ZNF391: variants seen among roughly 807,000 people sequenced by gnomAD.
The protein encoded by ZNF391 is zinc finger protein 391.
For missense variants in ZNF391, 375 were observed against 425.5 expected (o/e 0.88, Z 1.04); for synonymous variants, 126 against 142.1 (o/e 0.89, Z 0.80).
chr6:27,380,678 CA>C (rs1346557376), intron 1 of ZNF391, among the ~76,000 whole-genome samples: 1 of 151,828 alleles, frequency 6.6e-6, no homozygotes, highest in Non-Finnish European at 1.5e-5. Context: ...GGTGCGTTTG[CA>C]ATCCCTGAGC....
chr6:27,397,753 C>A (rs939675925), intron 1 of ZNF391, among the ~76,000 whole-genome samples: 3 of 152,142 alleles, frequency 2.0e-5, no homozygotes, highest in South Asian at 2.1e-4. Context: ...CCTCACCCCC[C>A]CAAGTAGCTG....
At chr6:27,396,034 G>A (rs937157422) in intron 1 of ZNF391, among the ~76,000 whole-genome samples, 23 of 152,116 alleles carry the variant, frequency 1.5e-4, no homozygotes, top group African/African-American at 3.9e-4. Flanking sequence ...TACCTACTGG[G>A]AGATGCAGTA....
chr6:27,381,009 T>C (rs1426096446), intron 1 of ZNF391, among the ~76,000 whole-genome samples: 1 of 152,266 alleles, frequency 6.6e-6, no homozygotes, highest in Admixed American at 6.5e-5. Context: ...CTTCATCCAG[T>C]GGATCCCGCA....
intron 1 of ZNF391, chr6:27,390,848 G>A (rs1047006915): frequency 5.9e-5 from 9 of 152,240 alleles, no homozygotes; most frequent in African/African-American, 2.2e-4. Flanking sequence ...ATTGATGAAA[G>A]TTTTGTAAGA....
intron 1 of ZNF391, among the ~76,000 whole-genome samples, chr6:27,390,695 T>A (rs534135926): frequency 6.6e-6 from 1 of 152,334 alleles, no homozygotes; most frequent in South Asian, 2.1e-4. Context: ...TCATAAATCC[T>A]CTGACAGCAT....
intron 1 of ZNF391, among the ~76,000 whole-genome samples, chr6:27,389,998 C>T (rs1237026692): frequency 5.9e-5 from 9 of 152,088 alleles, no homozygotes; most frequent in Non-Finnish European, 1.2e-4. Context: ...AACATTGTTA[C>T]CTGAAGATCA....
intron 1 of ZNF391, among the ~76,000 whole-genome samples, chr6:27,393,130 G>A (rs1761752076): frequency 6.6e-6 from 1 of 152,138 alleles, no homozygotes; most frequent in African/African-American, 2.4e-5. Flanking sequence ...TATATAATGA[G>A]CTTATTTGAA....
chr6:27,384,981 A>G (rs1310918099), upstream of ZNF391, among the ~76,000 whole-genome samples: 1 of 150,656 alleles, frequency 6.6e-6, no homozygotes, highest in Non-Finnish European at 1.5e-5. Flanking sequence ...GCGCCACTGC[A>G]CTCCAACCTG....
At position 27,400,776 on chromosome 6, in the gene ZNF391, C is replaced by G. The variant is rs1761936295; in HGVS notation, c.406C>G (p.Pro136Ala). ...VHSRIHGGEK[P>A]FECNKCGKSF... ...CAGTAGAATTCATGGTGGAGAAAAG[C>G]CTTTTGAATGCAACAAATGTGGGAA... is the stretch of plus-strand genomic sequence containing the variant. Residue 136 changes from proline (P) to alanine (A), a missense_variant, in exon 3 of 3, where the codon CCT becomes GCT. Transcript: ENST00000244576. The G allele has an allele frequency of 1.1e-5, 17 of 1,614,166 alleles. No individual in the cohort carries two copies. In the East Asian group the frequency reaches 3.8e-4, roughly 36 times the overall value.
intron 1 of ZNF391, among the ~76,000 whole-genome samples, chr6:27,394,844 A>G (rs889851914): frequency 6.6e-6 from 1 of 152,212 alleles, no homozygotes; most frequent in Admixed American, 6.5e-5. Flanking sequence ...TGTGGGACAT[A>G]TAGGAGCTTA....
intron 1 of ZNF391, among the ~76,000 whole-genome samples, chr6:27,378,834 T>C (rs1761455336): frequency 6.6e-6 from 1 of 152,134 alleles, no homozygotes; most frequent in African/African-American, 2.4e-5. Flanking sequence ...CCCAGCTATT[T>C]GGAAGGATCT....
At chr6:27,385,030 A>AAG (rs1185054332), upstream of ZNF391, among the ~76,000 whole-genome samples, 6 of 152,026 alleles carry the variant, frequency 3.9e-5, no homozygotes, top group African/African-American at 1.4e-4. Flanking sequence ...AAAAAAAAAA[A>AAG]AGATTTTTTT....
Position 27,383,493 on chromosome 6 carries a change from T to A in ZNF391, n.523+8356T>A, listed in dbSNP as rs532359355. On this transcript the variant is annotated intron_variant and non_coding_transcript_variant, in intron 1 of 2. Coordinates refer to the ZNF391 transcript ENST00000477999. ...TGCCTTATTAACAAAAGAAATTTATTTCTTATACCTCTGGGTTCTGAAAGT... is the reference window on the plus strand; with the variant it reads ...TGCCTTATTAACAAAAGAAATTTATATCTTATACCTCTGGGTTCTGAAAGT... Among the ~76,000 whole-genome samples, 249 of 152,292 alleles carry A rather than the reference T, an allele frequency of 1.6e-3. 6 individuals carry two copies. The highest frequency in any genetic ancestry group is 0.016 in the Admixed American group (238 of 15,288).
rs776803453 is a variant in ZNF391, at chr6:27,400,891, T to C, written c.521T>C (p.Phe174Ser). ...GAATGCAATGAATGTGGAAAAGCTT[T>C]TAGCCGGAGCACACATCTTAGTCTA... ...PYECNECGKA[F>S]SRSTHLSLHQ... The change falls in exon 3 of 3, where the codon TTT (phenylalanine) becomes TCT (serine). Residue 174 changes from phenylalanine (F) to serine (S), a missense_variant. Physicochemically the swap from Phe to Ser is radical, Grantham distance 155. Transcript: ENST00000244576. 2 of 1,614,198 alleles carry C rather than the reference T, an allele frequency of 1.2e-6. No individual in the cohort carries two copies. The highest frequency in any genetic ancestry group is 2.2e-5 in the South Asian group (2 of 91,084).
At chr6:27,397,230 G>T (rs1022517) in intron 1 of ZNF391, among the ~76,000 whole-genome samples, 2 of 152,002 alleles carry the variant, frequency 1.3e-5, no homozygotes, top group East Asian at 1.9e-4. Context: ...AAGGTAAAGG[G>T]GGAGCAAGCA....
At chr6:27,395,808 T>C (rs9468115) in intron 1 of ZNF391, among the ~76,000 whole-genome samples, 107,611 of 152,036 alleles carry the variant, frequency 0.71, 38,312 homozygotes, top group Middle Eastern at 0.82. Context: ...TTGGATCTCC[T>C]TGGTTTCATA....
upstream of ZNF391, among the ~76,000 whole-genome samples, chr6:27,387,445 C>T (rs1407244509): frequency 6.6e-6 from 1 of 151,748 alleles, no homozygotes; most frequent in African/African-American, 2.4e-5. Flanking sequence ...AGGCAGGAAC[C>T]ACCCAAGTGT....
intron 1 of ZNF391, among the ~76,000 whole-genome samples, chr6:27,377,584 TC>T (rs983035044): frequency 3.3e-5 from 5 of 152,210 alleles, no homozygotes; most frequent in African/African-American, 1.2e-4. Flanking sequence ...CTTCATGTCT[TC>T]CTGACTTTGC....
upstream of ZNF391, among the ~76,000 whole-genome samples, chr6:27,387,267 G>A (rs754754348): frequency 2.6e-5 from 4 of 152,190 alleles, no homozygotes; most frequent in Non-Finnish European, 5.9e-5. Context: ...AATGTAAAAC[G>A]ATGCAGCCAT....
Sources: gnomAD v4.1 joint callset for allele counts (sites outside exome capture counted in the v4.1 genomes callset) on GRCh38, gnomAD v4.1.1 for gene constraint, MANE v1.5 for transcripts, NCBI Gene and HGNC (gene_info 2026-07-23, HGNC 2026-07-21) for gene names.